RHOQ: variants seen among roughly 807,000 people sequenced by gnomAD.
The protein encoded by RHOQ is ras homolog family member Q.
A neutral mutation model predicts 25.8 loss-of-function variants in RHOQ; 7 were observed. That is an observed-to-expected ratio of 0.27 (90% CI 0.15 to 0.51). The LOEUF (loss-of-function observed/expected upper bound fraction) is 0.51, where lower values mean the gene tolerates loss of function less well. Among genes scored for constraint, RHOQ ranks in the 20% least tolerant of loss-of-function variants. The pLI is 0.97. For missense variants in RHOQ, 165 were observed against 260.6 expected (o/e 0.63, Z 2.53); for synonymous variants, 97 against 98.6 (o/e 0.98, Z 0.10).
intron 2 of RHOQ, among the ~76,000 whole-genome samples, chr2:46,564,747 T>G (rs1166093712): frequency 1.3e-5 from 2 of 152,226 alleles, no homozygotes; most frequent in Non-Finnish European, 2.9e-5. Context: ...TGTGTAAGTA[T>G]GTATGTCAAC....
chr2:46,581,869 G>C lies in RHOQ; in HGVS notation c.*786G>C. On this transcript the variant is annotated 3_prime_UTR_variant, in exon 5 of 5. Transcript: ENST00000238738. ...TGCTAAAATTACAAATTAAAATTTTGGGTCAGACTTTGCCATAATGATAGA... is the reference window on the plus strand; with the variant it reads ...TGCTAAAATTACAAATTAAAATTTTCGGTCAGACTTTGCCATAATGATAGA... 1 of 286,810 alleles carries C rather than the reference G, an allele frequency of 3.5e-6. No homozygotes were observed. Among genetic ancestry groups the C allele is most frequent in the Non-Finnish European group, 6.4e-6 (1 of 155,136 alleles). 17.8% of individuals were successfully genotyped at this position (286,810 alleles called of 1,614,324 possible).
intron 2 of RHOQ, among the ~76,000 whole-genome samples, chr2:46,546,572 A>ATGGGCTT (rs1668077333): frequency 1.4e-5 from 2 of 138,642 alleles, no homozygotes; most frequent in East Asian, 4.1e-4. Context: ...AGAAAGGTCC[A>ATGGGCTT]TGGGCTTTGG....
intron 2 of RHOQ, among the ~76,000 whole-genome samples, chr2:46,567,915 A>T (rs546397242): frequency 1.6e-4 from 24 of 152,102 alleles, no homozygotes; most frequent in African/African-American, 5.5e-4. Context: ...TAAAATAAAA[A>T]AATTTCTGAC....
chr2:46,582,670 T>G lies in RHOQ; in HGVS notation c.*1587T>G, dbSNP rs1669437728. On this transcript the variant is annotated 3_prime_UTR_variant, in exon 5 of 5. Transcript: ENST00000238738. The stretch of plus-strand genomic sequence containing the variant: ...TGGGCTTCTGTTAATTCACATGACT[T>G]GAGCTTATAGCTATGTCTACTGCAC... 6.5e-6 allele frequency: 1 copy of G among 152,672 alleles called. No homozygotes were observed. Among genetic ancestry groups the G allele is most frequent in the Admixed American group, 6.5e-5 (1 of 15,282 alleles). 9.5% of individuals were successfully genotyped at this position (152,672 alleles called of 1,614,324 possible). A position where few individuals can be genotyped will look rare whatever the true frequency, so the allele number is the denominator to read the frequency against.
At chr2:46,560,838 C>T in intron 2 of RHOQ, 1 of 195,798 alleles carries the variant, frequency 5.1e-6, no homozygotes, top group South Asian at 6.8e-5. Flanking sequence ...AGTTACATTG[C>T]AGTCACCTTG....
chr2:46,544,642 C>T (rs1007998347), intron 2 of RHOQ, among the ~76,000 whole-genome samples: 52 of 152,234 alleles, frequency 3.4e-4, no homozygotes, highest in Non-Finnish European at 1.6e-4. Flanking sequence ...TTCCCAAACC[C>T]ACTTTTGCTC....
intron 2 of RHOQ, among the ~76,000 whole-genome samples, chr2:46,562,350 C>T (rs1264817523): frequency 6.6e-6 from 1 of 152,066 alleles, no homozygotes; most frequent in Admixed American, 6.6e-5. Context: ...TGAGAATACA[C>T]AAAAGAGAAT....
chr2:46,570,129 A>C (rs1286855648), intron 2 of RHOQ, among the ~76,000 whole-genome samples: 1 of 152,246 alleles, frequency 6.6e-6, no homozygotes. Flanking sequence ...AAAAGTGTCA[A>C]AATGACTGCA....
intron 2 of RHOQ, among the ~76,000 whole-genome samples, chr2:46,571,356 T>C (rs1487941621): frequency 6.6e-6 from 1 of 152,254 alleles, no homozygotes; most frequent in African/African-American, 2.4e-5. Context: ...TCTTCTAGGC[T>C]GTGGCTTGGA....
At chr2:46,564,123 A>T (rs1331404911) in intron 2 of RHOQ, among the ~76,000 whole-genome samples, 1 of 152,010 alleles carries the variant, frequency 6.6e-6, no homozygotes, top group Non-Finnish European at 1.5e-5. Flanking sequence ...TAGGCAACAC[A>T]GTGAGACCCC....
At chr2:46,564,024 G>T (rs1035178181) in intron 2 of RHOQ, among the ~76,000 whole-genome samples, 3 of 151,998 alleles carry the variant, frequency 2.0e-5, no homozygotes, top group Admixed American at 1.3e-4. Context: ...ATATAATCAG[G>T]CTGGATGCAG....
At position 46,548,823 on chromosome 2, in the gene RHOQ, G is replaced by A. The variant is rs1053647747; in HGVS notation, c.201+5011G>A. On this transcript the variant is annotated intron_variant, in intron 2 of 4. Transcript: ENST00000238738. The surrounding 1 kb of genome is among the most constrained non-coding windows in gnomAD (Gnocchi z 5.2). The stretch of plus-strand genomic sequence containing the variant: ...GCTATTTATATCTCTAGCCCACACC[G>A]CATCACACGGGAATGCTGGTTTCCT... Among the ~76,000 whole-genome samples, 3 of 152,198 alleles carry A rather than the reference G, an allele frequency of 2.0e-5. No individual in the cohort carries two copies. Among genetic ancestry groups the A allele is most frequent in the Admixed American group, 1.3e-4 (2 of 15,284 alleles).
intron 2 of RHOQ, among the ~76,000 whole-genome samples, chr2:46,573,936 T>C (rs1312431184): frequency 6.6e-6 from 1 of 152,230 alleles, no homozygotes; most frequent in Non-Finnish European, 1.5e-5. Flanking sequence ...TCGAGAGACC[T>C]GAGTTTTGTG....
intron 2 of RHOQ, among the ~76,000 whole-genome samples, chr2:46,565,779 T>C (rs963348685): frequency 1.3e-5 from 2 of 152,224 alleles, no homozygotes; most frequent in African/African-American, 4.8e-5. Context: ...GCTGCGACCA[T>C]GAGCCAGGCC....
chr2:46,577,435 T>C (rs1306525228), intron 4 of RHOQ, among the ~76,000 whole-genome samples: 1 of 143,902 alleles, frequency 6.9e-6, no homozygotes, highest in Admixed American at 6.9e-5. Flanking sequence ...AGTCCCACTC[T>C]GTGGCCCAGG....
At chr2:46,560,271 T>C (rs1229790093) in intron 2 of RHOQ, among the ~76,000 whole-genome samples, 1 of 152,202 alleles carries the variant, frequency 6.6e-6, no homozygotes, top group Non-Finnish European at 1.5e-5. Flanking sequence ...CTTCTAAATT[T>C]TGTTATTGTT....
At chr2:46,554,623 C>T (rs149438384) in intron 2 of RHOQ, among the ~76,000 whole-genome samples, 1 of 152,102 alleles carries the variant, frequency 6.6e-6, no homozygotes, top group Non-Finnish European at 1.5e-5. Flanking sequence ...TAACATTCCC[C>T]AGGCGGGTCA....
intron 2 of RHOQ, among the ~76,000 whole-genome samples, chr2:46,559,995 A>G (rs1055080507): frequency 6.6e-6 from 1 of 152,200 alleles, no homozygotes; most frequent in African/African-American, 2.4e-5. Context: ...GAGAATAAGT[A>G]TCATCTGCCT....
chr2:46,543,739 C>T lies in RHOQ; in HGVS notation c.143-15C>T. 2 of 1,612,536 alleles carry T rather than the reference C, an allele frequency of 1.2e-6. No individual in the cohort carries two copies. The highest frequency in any genetic ancestry group is 1.7e-6 in the Non-Finnish European group (2 of 1,179,262). Reference sequence around the variant, plus strand: ...CTGTGAGCTTCTCTCCCCGCCCCCACTTCTGTCCTTGCAGTCAGCGTCACC... The same window carrying T: ...CTGTGAGCTTCTCTCCCCGCCCCCATTTCTGTCCTTGCAGTCAGCGTCACC... On this transcript the variant is annotated splice_polypyrimidine_tract_variant and intron_variant, in intron 1 of 4. Coordinates refer to ENST00000238738, the MANE Select transcript of RHOQ (RefSeq NM_012249.4).
Sources: allele counts gnomAD v4.1 joint callset (sites outside exome capture counted in the v4.1 genomes callset), GRCh38; gene constraint gnomAD v4.1.1; non-coding constraint Gnocchi (gnomAD v3.1); transcripts MANE v1.5; gene names NCBI Gene and HGNC (gene_info 2026-07-23, HGNC 2026-07-21).